Variants in PDZRN3 observed in about 807,000 individuals in gnomAD.
PDZRN3 encodes the protein E3 ubiquitin-protein ligase PDZRN3.
A neutral mutation model predicts 85.7 loss-of-function variants in PDZRN3; 38 were observed. The observed-to-expected ratio is 0.44, with a 90% confidence interval of 0.34 to 0.58. PDZRN3 has a LOEUF of 0.58. Ranked by LOEUF, PDZRN3 falls within the 20% of genes least tolerant of loss-of-function variation. PDZRN3 has a pLI of 0.01. For synonymous variants in PDZRN3, 759 were observed against 638.0 expected (o/e 1.19, Z -2.86); for missense variants, 1,629 against 1,506.4 (o/e 1.08, Z -1.35).
At chr3:73,561,196 G>A (rs1701807474) in intron 3 of PDZRN3, among the ~76,000 whole-genome samples, 1 of 152,248 alleles carries the variant, frequency 6.6e-6, no homozygotes, top group Admixed American at 6.5e-5. Flanking sequence ...AGAGCTGCAA[G>A]CAGTATAACT....
At chr3:73,460,104 C>T (rs1703073306) in intron 3 of PDZRN3, among the ~76,000 whole-genome samples, 1 of 152,116 alleles carries the variant, frequency 6.6e-6, no homozygotes, top group Non-Finnish European at 1.5e-5. Flanking sequence ...ATCATCTTTA[C>T]CATTTTCAAG....
At chr3:73,443,483 T>TCTC (rs1559682558) in intron 3 of PDZRN3, among the ~76,000 whole-genome samples, 2 of 131,114 alleles carry the variant, frequency 1.5e-5, no homozygotes, top group Non-Finnish European at 3.1e-5. Flanking sequence ...CTTTTTCTTT[T>TCTC]TTTTTTTTTT....
At chr3:73,549,239 T>C (rs745936083) in intron 3 of PDZRN3, among the ~76,000 whole-genome samples, 5 of 152,230 alleles carry the variant, frequency 3.3e-5, no homozygotes, top group Admixed American at 6.5e-5. Context: ...AATATAACAA[T>C]GGTGAATGCA....
rs1701286368 is a variant in PDZRN3 at position 73,384,141 on chromosome 3, G to A, written c.2425C>T (p.Leu809Phe). The A allele has an allele frequency of 6.2e-7, 1 of 1,614,106 alleles. No individual in the cohort carries two copies. The highest frequency in any genetic ancestry group is 1.3e-5 in the African/African-American group (1 of 75,054). ...ACTTCGGGATCTTCCGTGATGGAGAGCAGATTCTTGGAGGCTGGCCCGTAG... is the reference window on the plus strand; with the variant it reads ...ACTTCGGGATCTTCCGTGATGGAGAACAGATTCTTGGAGGCTGGCCCGTAG... ...EAYGPASKNL[L>F]SITEDPEVGT... Residue 809 changes from leucine (L) to phenylalanine (F), a missense_variant, in exon 10 of 10, where the codon CTC becomes TTC. By Grantham distance (22) the Leu-to-Phe change is conservative. Coordinates refer to ENST00000263666, the MANE Select transcript of PDZRN3 (RefSeq NM_015009.3).
chr3:73,603,381 A>G (rs1280705008), intron 2 of PDZRN3, among the ~76,000 whole-genome samples: 1 of 152,208 alleles, frequency 6.6e-6, no homozygotes, highest in African/African-American at 2.4e-5. Context: ...AGGCTCCAAC[A>G]AGCTCATAAA....
chr3:73,565,764 CCT>C (rs1281579022), intron 3 of PDZRN3, among the ~76,000 whole-genome samples: 1 of 148,768 alleles, frequency 6.7e-6, no homozygotes, highest in African/African-American at 2.5e-5. Context: ...ATAGTGAAAC[CCT>C]GTCTCTACTA....
chr3:73,461,360 A>C (rs1431595667), intron 3 of PDZRN3, among the ~76,000 whole-genome samples: 2 of 152,222 alleles, frequency 1.3e-5, no homozygotes, highest in African/African-American at 4.8e-5. Context: ...GTAAACATGG[A>C]ATGTGCAGCA....
chr3:73,414,154 A>C (rs149002475), intron 3 of PDZRN3, among the ~76,000 whole-genome samples: 6 of 152,366 alleles, frequency 3.9e-5, no homozygotes, highest in African/African-American at 1.4e-4. Context: ...CTGAGCAGCA[A>C]GAAAACAAGC....
chr3:73,504,761 G>A (rs966224149), intron 3 of PDZRN3, among the ~76,000 whole-genome samples: 7 of 152,140 alleles, frequency 4.6e-5, no homozygotes, highest in Non-Finnish European at 8.8e-5. Flanking sequence ...TATTAAGGAG[G>A]TCTTATACCC....
At chr3:73,623,831 C>T (rs2106924907) in intron 1 of PDZRN3, 2 of 358,972 alleles carry the variant, frequency 5.6e-6, no homozygotes, top group Non-Finnish European at 9.9e-6. Context: ...CCTACACTTG[C>T]TTGTGAATTC....
intron 3 of PDZRN3, among the ~76,000 whole-genome samples, chr3:73,536,905 A>G (rs1704800278): frequency 6.6e-6 from 1 of 152,078 alleles, no homozygotes; most frequent in African/African-American, 2.4e-5. Flanking sequence ...GTATTGCAAG[A>G]GTTGTTTTCG....
intron 3 of PDZRN3, among the ~76,000 whole-genome samples, chr3:73,577,885 A>C (rs1277412838): frequency 6.6e-6 from 1 of 152,198 alleles, no homozygotes; most frequent in Non-Finnish European, 1.5e-5. Flanking sequence ...TCTTTTTGTG[A>C]ATCATATTAC....
chr3:73,513,041 G>C lies in PDZRN3; in HGVS notation c.918+89313C>G, dbSNP rs569446505. 8.5e-5 allele frequency among the ~76,000 whole-genome samples: 13 copies of C among 152,156 alleles called. No individual in the cohort carries two copies. The South Asian group carries it at 2.3e-3, about 27-fold the overall frequency. On this transcript the variant is annotated intron_variant, in intron 3 of 9. Transcript: ENST00000263666. ...AGAAAGAATCGGGTACCAAGGGCCAGTTCCCAGGTGCTGAGATAGGGTGTT... is the reference window on the plus strand; with the variant it reads ...AGAAAGAATCGGGTACCAAGGGCCACTTCCCAGGTGCTGAGATAGGGTGTT...
intron 3 of PDZRN3, among the ~76,000 whole-genome samples, chr3:73,477,365 T>C (rs536943957): frequency 6.6e-6 from 1 of 152,294 alleles, no homozygotes; most frequent in Non-Finnish European, 1.5e-5. Context: ...AAGATCCATC[T>C]TCTTAACTCA....
At position 73,487,646 on chromosome 3, in the gene PDZRN3, TG is replaced by T. The variant is rs1255923948; in HGVS notation, c.919-83252del. Among the ~76,000 whole-genome samples the T allele has an allele frequency of 3.9e-5, 6 of 152,338 alleles. No individual in the cohort carries two copies. The East Asian group carries it at 9.6e-4, about 24-fold the overall frequency. Reference sequence around the variant, plus strand: ...CTTTCTTTTTTTTCCCCCATAAATTTGGGACAGATATGCCCCATTAAATAGC... The same window carrying T: ...CTTTCTTTTTTTTCCCCCATAAATTTGGACAGATATGCCCCATTAAATAGC... On this transcript the variant is annotated intron_variant, in intron 3 of 9. Coordinates refer to ENST00000263666, the MANE Select transcript of PDZRN3 (RefSeq NM_015009.3).
At chr3:73,623,802 C>G (rs1169951982) in intron 1 of PDZRN3, 5 of 296,118 alleles carry the variant, frequency 1.7e-5, no homozygotes, top group Non-Finnish European at 2.5e-5. Context: ...GACTCTGGAG[C>G]TGCATTCTTC....
intron 3 of PDZRN3, among the ~76,000 whole-genome samples, chr3:73,541,739 T>A (rs1704926293): frequency 6.6e-6 from 1 of 152,224 alleles, no homozygotes; most frequent in African/African-American, 2.4e-5. Flanking sequence ...ATCCACACAG[T>A]CTCCTAAGTG....
intron 3 of PDZRN3, among the ~76,000 whole-genome samples, chr3:73,471,653 T>C (rs577593810): frequency 1.3e-5 from 2 of 152,280 alleles, no homozygotes; most frequent in South Asian, 4.2e-4. Context: ...GGTTTTGCCC[T>C]CAAGGAGGGC....
chr3:73,589,159 C>T (rs9880830), intron 3 of PDZRN3, among the ~76,000 whole-genome samples: 10,629 of 152,060 alleles, frequency 0.07, 431 homozygotes, highest in Middle Eastern at 0.13. Flanking sequence ...GCCATTCTGC[C>T]TCAGCCTCCC....
Sources: allele counts gnomAD v4.1 joint callset (sites outside exome capture counted in the v4.1 genomes callset), GRCh38; gene constraint gnomAD v4.1.1; transcripts MANE v1.5; gene names NCBI Gene and HGNC (gene_info 2026-07-23, HGNC 2026-07-21).